GRID1: variants seen among roughly 807,000 people sequenced by gnomAD.
GRID1 encodes glutamate ionotropic receptor delta type subunit 1.
A neutral mutation model predicts 98.0 loss-of-function variants in GRID1; 28 were observed. The ratio of observed to expected loss-of-function variants is 0.29; its 90% CI spans 0.21 to 0.39. The LOEUF is 0.39. Among genes scored for constraint, GRID1 ranks in the 10% least tolerant of loss-of-function variants. GRID1 has a pLI of 1.00. For synonymous variants in GRID1, 553 were observed against 538.5 expected (o/e 1.03, Z -0.37); for missense variants, 1,111 against 1,340.5 (o/e 0.83, Z 2.67).
At chr10:86,129,149 C>T (rs1443195815) in intron 4 of GRID1, among the ~76,000 whole-genome samples, 1 of 152,220 alleles carries the variant, frequency 6.6e-6, no homozygotes, top group African/African-American at 2.4e-5. Flanking sequence ...GACACAGAGG[C>T]AGCCAATCCA....
chr10:85,931,502 C>A (rs1356922531), intron 4 of GRID1, among the ~76,000 whole-genome samples: 1 of 152,018 alleles, frequency 6.6e-6, no homozygotes, highest in Non-Finnish European at 1.5e-5. Context: ...TACCTCTTTG[C>A]CTTTTTGCTT....
chr10:85,948,100 T>C (rs1168178534), intron 4 of GRID1, among the ~76,000 whole-genome samples: 2 of 152,204 alleles, frequency 1.3e-5, no homozygotes, highest in Non-Finnish European at 2.9e-5. Flanking sequence ...GAAATTCAAA[T>C]AAAGTCTTGG....
Position 85,613,606 on chromosome 10 carries a change from T to C in GRID1, c.2402A>G (p.Lys801Arg). The C allele has an allele frequency of 6.2e-7, 1 of 1,614,170 alleles. No individual in the cohort carries two copies. Among genetic ancestry groups the C allele is most frequent in the Non-Finnish European group, 8.5e-7 (1 of 1,180,024 alleles). ...GCCCATGTGCGGCCACCACTTCTGC[T>C]TCAGCACATCCAGGTCCCCTGTGTC... is the stretch of plus-strand genomic sequence containing the variant. The part of the protein sequence containing the change: ...LQDTGDLDVL[K>R]QKWWPHMGRC... Residue 801 changes from lysine (K) to arginine (R), a missense_variant, in exon 15 of 16, where the codon AAG (lysine) becomes AGG (arginine). Transcript: ENST00000327946.
At chr10:85,700,905 G>T (rs904773741) in intron 12 of GRID1, among the ~76,000 whole-genome samples, 1 of 152,120 alleles carries the variant, frequency 6.6e-6, no homozygotes. Context: ...ACATTTATAT[G>T]GACAGGGTGG....
intron 3 of GRID1, among the ~76,000 whole-genome samples, chr10:86,168,196 T>C (rs1402216892): frequency 6.6e-6 from 1 of 152,220 alleles, no homozygotes; most frequent in Non-Finnish European, 1.5e-5. Context: ...AGACAGAGCG[T>C]GGACCTTCGA....
At chr10:85,673,090 G>A (rs1047976343) in intron 12 of GRID1, among the ~76,000 whole-genome samples, 1 of 152,194 alleles carries the variant, frequency 6.6e-6, no homozygotes, top group African/African-American at 2.4e-5. Context: ...GACTTTGAGA[G>A]GTTCAAGACT....
At chr10:85,756,137 G>A (rs1056246105) in intron 8 of GRID1, among the ~76,000 whole-genome samples, 3 of 152,112 alleles carry the variant, frequency 2.0e-5, no homozygotes, top group Non-Finnish European at 4.4e-5. Flanking sequence ...ACTGGAACAC[G>A]TTTCTGTTCA....
chr10:86,141,706 G>A (rs1045894834), intron 3 of GRID1, among the ~76,000 whole-genome samples: 2 of 152,244 alleles, frequency 1.3e-5, no homozygotes, highest in African/African-American at 2.4e-5. Flanking sequence ...AGGTGCACTA[G>A]CTACATTTCA....
chr10:85,646,800 C>T (rs1320630270), intron 13 of GRID1: 1 of 234,388 alleles, frequency 4.3e-6, no homozygotes, highest in South Asian at 6.6e-5. Context: ...ACCAGACCCC[C>T]AAGCTAACCA....
chr10:86,155,332 C>G (rs1845229413), intron 3 of GRID1, among the ~76,000 whole-genome samples: 1 of 152,206 alleles, frequency 6.6e-6, no homozygotes, highest in African/African-American at 2.4e-5. Context: ...CAGCCTCTGC[C>G]CGGGACACCA....
chr10:85,743,382 T>C (rs1841966286), intron 8 of GRID1, among the ~76,000 whole-genome samples: 2 of 152,148 alleles, frequency 1.3e-5, no homozygotes, highest in South Asian at 4.1e-4. Context: ...TGACCAAATT[T>C]CTGACATACA....
At chr10:86,050,306 T>C (rs2131905048) in intron 4 of GRID1, among the ~76,000 whole-genome samples, 1 of 152,358 alleles carries the variant, frequency 6.6e-6, no homozygotes, top group East Asian at 1.9e-4. Flanking sequence ...GTAAGAAGTA[T>C]GTGTGTGTAT....
At chr10:85,934,371 C>A (rs1384652296) in intron 4 of GRID1, among the ~76,000 whole-genome samples, 1 of 150,986 alleles carries the variant, frequency 6.6e-6, no homozygotes, top group African/African-American at 2.4e-5. Flanking sequence ...CCAAAGTATG[C>A]CCCAAAATAT....
At chr10:86,042,254 G>C (rs1407315105) in intron 4 of GRID1, among the ~76,000 whole-genome samples, 1 of 152,172 alleles carries the variant, frequency 6.6e-6, no homozygotes, top group Non-Finnish European at 1.5e-5. Flanking sequence ...CTGTGTCCCT[G>C]GGGTCTCTCC....
At chr10:86,006,692 G>A (rs1842864656) in intron 4 of GRID1, among the ~76,000 whole-genome samples, 1 of 152,026 alleles carries the variant, frequency 6.6e-6, no homozygotes, top group Non-Finnish European at 1.5e-5. Flanking sequence ...TGATCTAGGG[G>A]TAGAAAAGGA....
intron 2 of GRID1, among the ~76,000 whole-genome samples, chr10:86,355,828 T>G (rs79867641): frequency 6.7e-4 from 102 of 152,288 alleles, no homozygotes; most frequent in African/African-American, 2.5e-3. Context: ...GGCAGAGAGA[T>G]GCGTGGTCTC....
At chr10:86,297,438 ACCTTTC>A (rs1463556951) in intron 2 of GRID1, among the ~76,000 whole-genome samples, 1 of 152,214 alleles carries the variant, frequency 6.6e-6, no homozygotes, top group Non-Finnish European at 1.5e-5. Flanking sequence ...TCAGAAACAC[ACCTTTC>A]CTCACACATC....
intron 8 of GRID1, among the ~76,000 whole-genome samples, chr10:85,790,849 C>G (rs972857095): frequency 6.6e-6 from 1 of 152,320 alleles, no homozygotes; most frequent in South Asian, 2.1e-4. Flanking sequence ...CCTGGCTGCA[C>G]AGGACCCTCT....
At chr10:86,044,254 T>C (rs570767596) in intron 4 of GRID1, among the ~76,000 whole-genome samples, 2 of 152,318 alleles carry the variant, frequency 1.3e-5, no homozygotes, top group South Asian at 4.1e-4. Context: ...TTTCATTGCA[T>C]TGTTTATTTT....
Sources: allele counts gnomAD v4.1 joint callset (sites outside exome capture counted in the v4.1 genomes callset), GRCh38; gene constraint gnomAD v4.1.1; transcripts MANE v1.5; gene names NCBI Gene and HGNC (gene_info 2026-07-23, HGNC 2026-07-21).